The following LMNTD1 variants were observed in gnomAD, a reference collection of about 807,000 sequenced individuals.
The protein encoded by LMNTD1 is lamin tail domain containing 1.
In LMNTD1, 35 loss-of-function variants were observed where a neutral mutation model predicts 50.9. The observed-to-expected ratio is 0.69, with a 90% CI of 0.53 to 0.91. LMNTD1 has a LOEUF of 0.91. Ranked by LOEUF, LMNTD1 falls within the 40% of genes least tolerant of loss-of-function variation. LMNTD1 has a pLI of 0.00. For missense variants in LMNTD1, 470 were observed against 475.5 expected (o/e 0.99, Z 0.11); for synonymous variants, 153 against 161.9 (o/e 0.94, Z 0.42).
intron 9 of LMNTD1, among the ~76,000 whole-genome samples, chr12:25,500,928 C>CTG (rs1939350973): frequency 6.6e-6 from 1 of 152,092 alleles, no homozygotes; most frequent in Non-Finnish European, 1.5e-5. Flanking sequence ...TCAGTTGTTG[C>CTG]ACAGAAATGT....
upstream of LMNTD1, among the ~76,000 whole-genome samples, chr12:25,555,933 G>C (rs1378339108): frequency 6.7e-6 from 1 of 148,726 alleles, no homozygotes; most frequent in Non-Finnish European, 1.5e-5. Flanking sequence ...AGAACTGAAA[G>C]GAAGAAGCAG....
rs538230267 is a variant in LMNTD1 at position 25,587,446 on chromosome 12, G to C, written c.59-40892C>G. Reference sequence around the variant, plus strand: ...CAGGAGCAGGCACGTCATATGGCGAGAGCAGAAGCAAGAGAGAGGTGGGAG... The same window carrying C: ...CAGGAGCAGGCACGTCATATGGCGACAGCAGAAGCAAGAGAGAGGTGGGAG... On this transcript the variant is annotated intron_variant, in intron 1 of 7. Transcript: ENST00000445693. Among the ~76,000 whole-genome samples, 320 of 152,344 alleles carry C rather than the reference G, an allele frequency of 2.1e-3. 2 individuals are homozygous for C. Among genetic ancestry groups the C allele is most frequent in the African/African-American group, 7.1e-3 (294 of 41,592 alleles).
intron 4 of LMNTD1, among the ~76,000 whole-genome samples, chr12:25,534,273 G>A (rs1478032187): frequency 1.3e-5 from 2 of 152,160 alleles, no homozygotes; most frequent in African/African-American, 4.8e-5. Context: ...CAGCCTAGAT[G>A]AAGTTACAAG....
intron 9 of LMNTD1, among the ~76,000 whole-genome samples, chr12:25,502,703 T>A (rs921634781): frequency 6.6e-6 from 1 of 152,230 alleles, no homozygotes; most frequent in African/African-American, 2.4e-5. Flanking sequence ...AAGTTGTGGC[T>A]ATCACATTTT....
chr12:25,569,397 T>G (rs779979427), intron 1 of LMNTD1, among the ~76,000 whole-genome samples: 3 of 152,184 alleles, frequency 2.0e-5, no homozygotes, highest in Non-Finnish European at 4.4e-5. Flanking sequence ...TTGTTTTGAT[T>G]TTGTAGTCTC....
intron 2 of LMNTD1, among the ~76,000 whole-genome samples, chr12:25,550,634 T>C (rs1943691763): frequency 6.6e-6 from 1 of 152,196 alleles, no homozygotes; most frequent in South Asian, 2.1e-4. Flanking sequence ...CCTCTCCTTG[T>C]TGTTCTTTCA....
At chr12:25,563,121 A>T (rs1159059736) in intron 1 of LMNTD1, among the ~76,000 whole-genome samples, 2 of 152,188 alleles carry the variant, frequency 1.3e-5, no homozygotes, top group Non-Finnish European at 2.9e-5. Context: ...ATTACCAATC[A>T]TCTGAAGCCT....
At chr12:25,514,000 T>C (rs192798845) in intron 8 of LMNTD1, among the ~76,000 whole-genome samples, 9 of 152,332 alleles carry the variant, frequency 5.9e-5, no homozygotes. Context: ...TTAAAATTCT[T>C]ACCATTTTAA....
intron 9 of LMNTD1, among the ~76,000 whole-genome samples, chr12:25,477,443 C>T (rs949120213): frequency 3.3e-5 from 5 of 151,716 alleles, no homozygotes; most frequent in African/African-American, 9.7e-5. Context: ...GACTCTTTCC[C>T]CTGAGAGAAA....
chr12:25,537,752 G>A (rs1035044705), intron 4 of LMNTD1, among the ~76,000 whole-genome samples: 1 of 152,212 alleles, frequency 6.6e-6, no homozygotes, highest in Admixed American at 6.5e-5. Context: ...AGAGAAGAAG[G>A]CTTCAGATGA....
intron 1 of LMNTD1, among the ~76,000 whole-genome samples, chr12:25,642,688 A>G (rs1483321062): frequency 6.6e-6 from 1 of 152,230 alleles, no homozygotes; most frequent in Non-Finnish European, 1.5e-5. Flanking sequence ...AACTTGTTCA[A>G]TCTTTTAAAA....
chr12:25,629,830 G>C (rs893473894), intron 1 of LMNTD1, among the ~76,000 whole-genome samples: 1 of 152,094 alleles, frequency 6.6e-6, no homozygotes, highest in Non-Finnish European at 1.5e-5. Flanking sequence ...TATAGAGAGA[G>C]AGACAGTTGA....
At chr12:25,533,344 C>T (rs778692328) in intron 4 of LMNTD1, among the ~76,000 whole-genome samples, 1 of 152,122 alleles carries the variant, frequency 6.6e-6, no homozygotes, top group African/African-American at 2.4e-5. Flanking sequence ...GTTGCAATCA[C>T]CATCAGTAGC....
chr12:25,568,779 C>T (rs1944663160), intron 1 of LMNTD1, among the ~76,000 whole-genome samples: 1 of 152,202 alleles, frequency 6.6e-6, no homozygotes, highest in African/African-American at 2.4e-5. Flanking sequence ...GCAGCTTCCA[C>T]ATGATGTTAA....
In LMNTD1 at chr12:25,565,869, T is replaced by C. The variant is rs77656309; in HGVS notation, c.59-19315A>G. Among the ~76,000 whole-genome samples, 172 of 152,330 alleles carry C rather than the reference T, an allele frequency of 1.1e-3. 2 individuals are homozygous for C. The highest frequency in any genetic ancestry group is 3.5e-4 in the Non-Finnish European group (24 of 68,022). On this transcript the variant is annotated intron_variant, in intron 1 of 7. Transcript: ENST00000445693. ...ATTTTTGCTGGTTATACTATTCTAGTGTAAACGTTTTTGTTGTTTTTCTCT... is the reference window on the plus strand; with the variant it reads ...ATTTTTGCTGGTTATACTATTCTAGCGTAAACGTTTTTGTTGTTTTTCTCT...
upstream of LMNTD1, among the ~76,000 whole-genome samples, chr12:25,556,753 T>C (rs1944060223): frequency 6.6e-6 from 1 of 152,164 alleles, no homozygotes; most frequent in Admixed American, 6.5e-5. Context: ...AAATTAAAAG[T>C]GGCAAAATTC....
chr12:25,539,518 G>C (rs1942886805), intron 4 of LMNTD1, among the ~76,000 whole-genome samples: 1 of 151,566 alleles, frequency 6.6e-6, no homozygotes, highest in Admixed American at 6.6e-5. Flanking sequence ...GGTGTTCTTT[G>C]AAACCAACGA....
chr12:25,510,273 T>C (rs1940166557), intron 8 of LMNTD1, among the ~76,000 whole-genome samples: 1 of 152,098 alleles, frequency 6.6e-6, no homozygotes, highest in Admixed American at 6.6e-5. Flanking sequence ...TGTCCTTATT[T>C]TACCTTCACC....
chr12:25,492,346 C>T (rs1425778956), intron 9 of LMNTD1, among the ~76,000 whole-genome samples: 2 of 152,172 alleles, frequency 1.3e-5, no homozygotes, highest in Non-Finnish European at 2.9e-5. Context: ...TTCCCTATAG[C>T]ATATTTTCAT....
Sources: gnomAD v4.1 joint callset for allele counts (sites outside exome capture counted in the v4.1 genomes callset) on GRCh38, gnomAD v4.1.1 for gene constraint, MANE v1.5 for transcripts, NCBI Gene and HGNC (gene_info 2026-07-23, HGNC 2026-07-21) for gene names.